The following RAPGEF3 variants were observed in gnomAD, a reference collection of about 807,000 sequenced individuals.
RAPGEF3 encodes the protein 9330170P05Rik.
RAPGEF3 carries 103 observed loss-of-function variants against 129.8 expected under a neutral mutation model. The ratio of observed to expected loss-of-function variants is 0.79; its 90% CI spans 0.68 to 0.93. The LOEUF (loss-of-function observed/expected upper bound fraction) is 0.93. Among genes scored for constraint, RAPGEF3 ranks in the 40% least tolerant of loss-of-function variants. The probability of loss-of-function intolerance (pLI) is 0.00; values close to 1 mark genes in which losing one functional copy is unlikely to be tolerated. For missense variants in RAPGEF3, 1,117 were observed against 1,207.4 expected (o/e 0.93, Z 1.11); for synonymous variants, 436 against 482.6 (o/e 0.90, Z 1.26).
chr12:47,737,190 A>C lies in RAPGEF3; in HGVS notation c.*377T>G. 1 of 263,232 alleles carries C rather than the reference A, an allele frequency of 3.8e-6. No individual in the cohort carries two copies. Among genetic ancestry groups the C allele is most frequent in the Non-Finnish European group, 7.4e-6 (1 of 135,382 alleles). 16.3% of individuals were successfully genotyped at this position (263,232 alleles called of 1,614,324 possible). ...GCAGCCTCTCTCTCTCTCTCTGTCC[A>C]CTGTGAAAATAAACTGCAGGCCTGG... On this transcript the variant is annotated 3_prime_UTR_variant, in exon 28 of 28. Transcript: ENST00000449771.
intron 23 of RAPGEF3, 124 bp from the exon 24 acceptor site, chr12:47,739,354 T>C: frequency 1.3e-6 from 1 of 778,038 alleles, no homozygotes; most frequent in Non-Finnish European, 2.3e-6. Context: ...CAGCCTCTCC[T>C]CAGCCCCAGG....
chr12:47,743,704 G>A, intron 17 of RAPGEF3, 28 bp from the exon 18 acceptor site: 1 of 1,593,924 alleles, frequency 6.3e-7, no homozygotes, highest in East Asian at 2.3e-5. Flanking sequence ...CTGAGCTGTG[G>A]GAAGGGCTGC....
chr12:47,754,058 G>A (rs1451804873), intron 2 of RAPGEF3: 1 of 152,226 alleles, frequency 6.6e-6, no homozygotes, highest in South Asian at 2.1e-4. Flanking sequence ...TCTGCTACTG[G>A]TGCTGACCCC....
At chr12:47,743,390 A>C (rs1592545405) in intron 18 of RAPGEF3, 140 bp downstream of exon 18, 1 of 1,165,430 alleles carries the variant, frequency 8.6e-7, no homozygotes, top group Non-Finnish European at 1.2e-6. Flanking sequence ...GACGCACTCC[A>C]CCTCCCATTA....
intron 19 of RAPGEF3, 175 bp from the exon 20 acceptor site, chr12:47,741,215 A>C (rs963945822): frequency 8.1e-6 from 7 of 863,020 alleles, no homozygotes; most frequent in East Asian, 2.7e-5. Context: ...AGGGCTCCCC[A>C]GTGCTGAGAC....
In RAPGEF3 at chr12:47,747,835, G is replaced by A. The variant is rs140023214; in HGVS notation, c.1350C>T (p.Ser450=). ...AGACGTAGGTGCTGCGCTCCTGCTC[G>A]CTGCCACCCGCAGGCTCCACATGGA... ...HHFHVEPAGG[S]EQERSTYVCN... is the part of the protein sequence containing the mutation. Residue 450 remains serine, a synonymous_variant, in exon 14 of 28, where the codon AGC becomes AGT. Coordinates refer to ENST00000449771, the MANE Select transcript of RAPGEF3 (RefSeq NM_001098531.4). 3.8e-5 allele frequency: 61 copies of A among 1,604,264 alleles called. No individual in the cohort carries two copies. Among genetic ancestry groups the A allele is most frequent in the Middle Eastern group, 1.7e-4 (1 of 5,906 alleles).
rs1011415877 is a variant in RAPGEF3, at chr12:47,749,683, A to G, written c.894+58T>C. The G allele has an allele frequency of 4.4e-6, 7 of 1,607,550 alleles. No individual in the cohort carries two copies. In the South Asian group the frequency reaches 5.5e-5, roughly 13 times the overall value. On this transcript the variant is annotated intron_variant, in intron 9 of 27. Transcript: ENST00000449771. This position sits in a 1 kb window ranked among gnomAD's most constrained non-coding sequence, Gnocchi z 4.5. Reference sequence around the variant, plus strand: ...CAACAAAGGCACTGCCCATGAGGACATGGACCAGGGAGCAGTTAGGACCCA... The same window carrying G: ...CAACAAAGGCACTGCCCATGAGGACGTGGACCAGGGAGCAGTTAGGACCCA...
At chr12:47,748,789 T>C (rs765289151) in intron 11 of RAPGEF3, 30 bp downstream of exon 11, 1 of 1,447,662 alleles carries the variant, frequency 6.9e-7, no homozygotes, top group South Asian at 1.1e-5. Flanking sequence ...GGAGGGACAG[T>C]GTGGAGAGGG....
chr12:47,752,035 C>T (rs1264200602), intron 2 of RAPGEF3, 66 bp from the exon 3 acceptor site: 1 of 1,539,832 alleles, frequency 6.5e-7, no homozygotes, highest in Non-Finnish European at 9.0e-7. Flanking sequence ...TGGATACCTC[C>T]CCTCCCCCAT....
intron 18 of RAPGEF3, 83 bp from the exon 19 acceptor site, chr12:47,741,685 T>TG (rs1941177561): frequency 3.4e-6 from 4 of 1,189,258 alleles, no homozygotes; most frequent in African/African-American, 1.5e-5. Context: ...AGGTGCTGTT[T>TG]GGGAGGCTGA....
At chr12:47,755,969 T>G (rs2238142) in intron 2 of RAPGEF3, 28,364 of 152,168 alleles carry the variant, frequency 0.19, 3,284 homozygotes, top group Admixed American at 0.34. Context: ...CATGATGGAA[T>G]GAAACCTCCC....
rs1941535984 is a variant in RAPGEF3 at position 47,748,152 on chromosome 12, T to C, written c.1244A>G (p.Glu415Gly). ...CAGGAGGAAGTCGCTGAGGAATGTC[T>C]CTGTATGACAGGGTGAGGGGATGGG... ...GPDSSAHDPTETFLSDFLLTH... is the reference protein window; with the variant it reads ...GPDSSAHDPTGTFLSDFLLTH... The change falls in exon 13 of 28, where the codon GAG (glutamate) becomes GGG (glycine). Residue 415 changes from glutamate (E) to glycine (G), a missense_variant and splice_region_variant. This residue lies in a region of RAPGEF3 where 643 missense variants were observed against 673.4 expected (regional missense o/e 0.95). Transcript: ENST00000449771. 6.3e-7 allele frequency: 1 copy of C among 1,575,844 alleles called. No homozygotes were observed. Among genetic ancestry groups the C allele is most frequent in the Non-Finnish European group, 8.6e-7 (1 of 1,160,020 alleles).
chr12:47,746,794 AG>A (rs2136772633), intron 16 of RAPGEF3, 65 bp downstream of exon 16: 5 of 1,468,920 alleles, frequency 3.4e-6, no homozygotes, highest in South Asian at 1.2e-5. Flanking sequence ...CCTCAGGGTC[AG>A]GGGGCGAAGG....
At chr12:47,739,921 T>G in intron 23 of RAPGEF3, 1 of 607,492 alleles carries the variant, frequency 1.6e-6, no homozygotes, top group Non-Finnish European at 2.9e-6. Flanking sequence ...AGGGCCAGGA[T>G]GCACCGTGCA....
At chr12:47,752,070 A>C in intron 2 of RAPGEF3, 101 bp from the exon 3 acceptor site, 1 of 1,265,856 alleles carries the variant, frequency 7.9e-7, no homozygotes, top group South Asian at 1.2e-5. Flanking sequence ...CCTAGGCCCC[A>C]ACCCCAAATG....
In RAPGEF3 at chr12:47,741,060, CA is replaced by C; in HGVS notation, c.1924-21del. On this transcript the variant is annotated intron_variant, in intron 19 of 27. Coordinates refer to ENST00000449771, the MANE Select transcript of RAPGEF3 (RefSeq NM_001098531.4). ...TGGGATCTGCGGGTGGGAGAGTGCTCAGGGGGCTGCCTGAGGAATCCAGGGA... is the reference window on the plus strand; with the variant it reads ...TGGGATCTGCGGGTGGGAGAGTGCTCGGGGGCTGCCTGAGGAATCCAGGGA... 3.1e-6 allele frequency: 5 copies of C among 1,610,178 alleles called. No homozygotes were observed. The highest frequency in any genetic ancestry group is 4.2e-6 in the Non-Finnish European group (5 of 1,178,544).
intron 25 of RAPGEF3, among the ~76,000 whole-genome samples, 183 bp from the exon 26 acceptor site, chr12:47,738,430 G>A (rs1414037139): frequency 6.6e-6 from 1 of 152,178 alleles, no homozygotes; most frequent in Non-Finnish European, 1.5e-5. Flanking sequence ...CCAGGCAGAG[G>A]ACAGAAGGCA....
Position 47,750,336 on chromosome 12 carries a change from C to A in RAPGEF3, c.756+5G>T. 1.2e-6 allele frequency: 2 copies of A among 1,613,628 alleles called. No individual in the cohort carries two copies. Among genetic ancestry groups the A allele is most frequent in the Non-Finnish European group, 1.7e-6 (2 of 1,179,578 alleles). On this transcript the variant is annotated splice_donor_5th_base_variant and intron_variant, in intron 7 of 27. Transcript: ENST00000449771. ...CGGGGCAGGGCTGGGAGGGGCAGGA[C>A]TGACCGAGTTGGAGAGGTGGGCCAC...
intron 6 of RAPGEF3, 114 bp from the exon 7 acceptor site, chr12:47,750,539 G>A: frequency 1.1e-6 from 1 of 874,842 alleles, no homozygotes; most frequent in South Asian, 1.6e-5. Flanking sequence ...AGCAGTGACA[G>A]TTATCAGCAG....
Sources: allele counts gnomAD v4.1 joint callset (sites outside exome capture counted in the v4.1 genomes callset), GRCh38; gene constraint gnomAD v4.1.1; regional missense constraint gnomAD v4.1.1; non-coding constraint Gnocchi (gnomAD v3.1); transcripts MANE v1.5; gene names NCBI Gene and HGNC (gene_info 2026-07-23, HGNC 2026-07-21).